SAP30BP: variants seen among roughly 807,000 people sequenced by gnomAD.
SAP30BP encodes SAP30-binding protein.
SAP30BP carries 31 observed loss-of-function variants against 46.3 expected under a neutral mutation model. That is an observed-to-expected ratio of 0.67 (90% CI 0.50 to 0.90). The LOEUF is 0.90. SAP30BP is among the 40% of genes least tolerant of loss of function. The pLI, the probability that SAP30BP is intolerant of heterozygous loss-of-function variation, is 0.00. For synonymous variants in SAP30BP, 169 were observed against 144.2 expected (o/e 1.17, Z -1.23); for missense variants, 312 against 391.0 (o/e 0.80, Z 1.70).
intron 3 of SAP30BP, chr17:75,692,855 T>A (rs1482805511): frequency 6.6e-6 from 1 of 152,254 alleles, no homozygotes; most frequent in Non-Finnish European, 1.5e-5. Context: ...CTGCCACTTA[T>A]TAAAGGTTTG....
At chr17:75,705,778 G>A (rs1192950127) in intron 9 of SAP30BP, 1 of 1,025,596 alleles carries the variant, frequency 9.8e-7, no homozygotes, top group Admixed American at 3.3e-5. Flanking sequence ...GCAGAGACCT[G>A]GTGATGCCGG....
Position 75,706,440 on chromosome 17 carries a change from C to CA in SAP30BP, c.847dup (p.Thr283AsnfsTer29), listed in dbSNP as rs2060498993. On this transcript the variant is annotated frameshift_variant, in exon 11 of 11. Coordinates refer to ENST00000584667, the MANE Select transcript of SAP30BP (RefSeq NM_013260.8). LOFTEE classifies it high-confidence loss of function. This position sits in a 1 kb window ranked among gnomAD's most constrained non-coding sequence, Gnocchi z 4.6. Reference sequence around the variant, plus strand: ...CCACAGCCACCCTGCCAGCTGTTGTCACGGTCACCACCAGCGCCAGCGGCT... The same window carrying CA: ...CCACAGCCACCCTGCCAGCTGTTGTCAACGGTCACCACCAGCGCCAGCGGCT... 1 of 1,614,222 alleles carries CA rather than the reference C, an allele frequency of 6.2e-7. No homozygotes were observed. The highest frequency in any genetic ancestry group is 8.5e-7 in the Non-Finnish European group (1 of 1,180,040).
intron 3 of SAP30BP, among the ~76,000 whole-genome samples, chr17:75,688,681 C>A (rs1172074786): frequency 1.3e-5 from 2 of 152,190 alleles, no homozygotes; most frequent in East Asian, 3.8e-4. Context: ...TGGTACTTCT[C>A]TGCTGAGTAA....
In SAP30BP at chr17:75,699,845, C is replaced by G. The variant is rs960242877; in HGVS notation, c.370C>G (p.Pro124Ala). ...PDEIKIPPEP[P>A]GRCSNHLQDK... ...TGAAATCAAGATCCCGCCAGAACCC[C>G]CTGGCAGATGTTCAAATCACTTGCA... Residue 124 changes from proline (P) to alanine (A), a missense_variant, in exon 5 of 11, where the codon CCT (proline) becomes GCT (alanine). Pro to Ala is a conservative substitution (Grantham distance 27, BLOSUM62 -1). This residue lies in a region of SAP30BP where 296 missense variants were observed against 346.6 expected (regional missense o/e 0.85). Transcript: ENST00000584667. The G allele has an allele frequency of 3.7e-6, 6 of 1,613,116 alleles. No homozygotes were observed. The highest frequency in any genetic ancestry group is 5.1e-6 in the Non-Finnish European group (6 of 1,179,186).
chr17:75,695,850 C>T (rs779149928), intron 4 of SAP30BP, among the ~76,000 whole-genome samples: 1 of 152,170 alleles, frequency 6.6e-6, no homozygotes, highest in Non-Finnish European at 1.5e-5. Flanking sequence ...TGTCTGTGCC[C>T]TCCAGGGCCT....
chr17:75,683,939 C>T (rs146389779), intron 3 of SAP30BP: 1 of 152,290 alleles, frequency 6.6e-6, no homozygotes, highest in African/African-American at 2.4e-5. Flanking sequence ...GGCTGTCTTC[C>T]CTTAAGTCCA....
chr17:75,675,972 A>G (rs2059984070), intron 3 of SAP30BP, among the ~76,000 whole-genome samples: 1 of 152,214 alleles, frequency 6.6e-6, no homozygotes. Context: ...AAAAATAAGT[A>G]TTTCCAAAAA....
At chr17:75,684,592 C>G (rs186946938) in intron 3 of SAP30BP, 1 of 152,218 alleles carries the variant, frequency 6.6e-6, no homozygotes, top group Non-Finnish European at 1.5e-5. Flanking sequence ...GCATTCGGCA[C>G]TTCCCTGCGC....
At chr17:75,702,596 GTT>G in intron 6 of SAP30BP, 25 bp downstream of exon 6, 2 of 1,139,744 alleles carry the variant, frequency 1.8e-6, no homozygotes, top group Non-Finnish European at 2.6e-6. Context: ...AGCCTGCAGA[GTT>G]TATTGAGTTA....
chr17:75,677,306 T>C (rs1224372316), intron 3 of SAP30BP, among the ~76,000 whole-genome samples: 2 of 152,020 alleles, frequency 1.3e-5, no homozygotes, highest in East Asian at 3.9e-4. Flanking sequence ...GGTTTCACCA[T>C]ATTGGCCAGG....
chr17:75,705,544 GTT>G, intron 9 of SAP30BP: 1 of 879,778 alleles, frequency 1.1e-6, no homozygotes, highest in South Asian at 4.6e-5. Context: ...GATAGTTGGG[GTT>G]TCTCATTCTT....
Position 75,668,463 on chromosome 17 carries a change from C to T in SAP30BP, c.107-53C>T, listed in dbSNP as rs976212777. ...GGACATTTTTTCTTACATTGTAACT[C>T]TTGTTTTTTTTTTCTTGCTTTTTGT... On this transcript the variant is annotated intron_variant, in intron 1 of 10. Transcript: ENST00000584667. 6.8e-6 allele frequency: 8 copies of T among 1,173,194 alleles called. No individual in the cohort carries two copies. In the East Asian group the frequency reaches 1.8e-4, roughly 26 times the overall value. 72.7% of individuals were successfully genotyped at this position (1,173,194 alleles called of 1,614,324 possible). A position where few individuals can be genotyped will look rare whatever the true frequency, so the allele number is the denominator to read the frequency against.
intron 3 of SAP30BP, among the ~76,000 whole-genome samples, chr17:75,682,731 A>G (rs2060097282): frequency 6.6e-6 from 1 of 151,978 alleles, no homozygotes; most frequent in South Asian, 2.1e-4. Flanking sequence ...TGGGAGGCCA[A>G]GGCGGGCGAA....
At chr17:75,691,308 A>C (rs959578550) in intron 3 of SAP30BP, 1 of 400,940 alleles carries the variant, frequency 2.5e-6, no homozygotes, top group African/African-American at 2.1e-5. Context: ...TTTAGGGGGA[A>C]CTGAAGAGCC....
At chr17:75,685,808 G>T (rs2060147593) in intron 3 of SAP30BP, among the ~76,000 whole-genome samples, 1 of 152,174 alleles carries the variant, frequency 6.6e-6, no homozygotes, top group Non-Finnish European at 1.5e-5. Flanking sequence ...GCTTGACTCA[G>T]ATCCTTGGTG....
At chr17:75,693,002 A>C (rs2060261987) in intron 3 of SAP30BP, 1 of 155,678 alleles carries the variant, frequency 6.4e-6, no homozygotes, top group Non-Finnish European at 1.4e-5. Flanking sequence ...GCTGTTACAA[A>C]GCAGTCACCT....
At chr17:75,693,580 C>A in intron 4 of SAP30BP, 98 bp downstream of exon 4, 2 of 1,104,784 alleles carry the variant, frequency 1.8e-6, no homozygotes, top group South Asian at 1.4e-5. Flanking sequence ...GGGCTTCTGT[C>A]TGCTGTGAGC....
chr17:75,674,797 G>A (rs2059965475), intron 3 of SAP30BP, among the ~76,000 whole-genome samples: 1 of 139,758 alleles, frequency 7.2e-6, no homozygotes, highest in Non-Finnish European at 1.5e-5. Context: ...AACCTCCCTG[G>A]CTCAATTAAT....
chr17:75,693,452 G>T lies in SAP30BP; in HGVS notation c.277G>T (p.Ala93Ser). Residue 93 changes from alanine to serine, a missense_variant, in exon 4 of 11, where the codon GCA becomes TCA. By Grantham distance (99) the Ala-to-Ser change is moderately conservative. Coordinates refer to ENST00000584667, the MANE Select transcript of SAP30BP (RefSeq NM_013260.8). Reference protein sequence around the residue: ...EADDPKDNTEAEKRDPQELVA... With the variant: ...EADDPKDNTESEKRDPQELVA... ...TTGTCTTTTGCAGGATAATACAGAA[G>T]CAGAAAAGCGAGACCCCCAGGAACT... is the stretch of plus-strand genomic sequence containing the variant. The T allele has an allele frequency of 6.2e-7, 1 of 1,614,040 alleles. No homozygotes were observed. The highest frequency in any genetic ancestry group is 8.5e-7 in the Non-Finnish European group (1 of 1,179,928).
Sources: gnomAD v4.1 joint callset for allele counts (sites outside exome capture counted in the v4.1 genomes callset) on GRCh38, gnomAD v4.1.1 for gene constraint, gnomAD v4.1.1 regional missense constraint, Gnocchi (gnomAD v3.1) non-coding constraint, MANE v1.5 for transcripts, NCBI Gene and HGNC (gene_info 2026-07-23, HGNC 2026-07-21) for gene names.